The following HPSE2 variants were observed in gnomAD, a reference collection of about 807,000 sequenced individuals.
HPSE2 encodes inactive heparanase-2.
Under a neutral mutation model 60.5 loss-of-function variants are expected in HPSE2, and 38 were observed. The ratio of observed to expected loss-of-function variants is 0.63; its 90% CI spans 0.48 to 0.82. HPSE2 has a LOEUF of 0.82. Ranked by LOEUF, HPSE2 falls within the 40% of genes least tolerant of loss-of-function variation. HPSE2 has a pLI of 0.00. For synonymous variants in HPSE2, 295 were observed against 293.2 expected, an observed-to-expected ratio of 1.01 and a Z score of -0.06; for missense variants, 713 against 740.4, an observed-to-expected ratio of 0.96 and a Z score of 0.43.
intron 3 of HPSE2, among the ~76,000 whole-genome samples, chr10:98,909,585 G>A (rs1485964377): frequency 2.7e-5 from 4 of 150,520 alleles, no homozygotes; most frequent in African/African-American, 7.3e-5. Flanking sequence ...AGCCGAGATC[G>A]CGCCACTGCA....
rs917264726 is a variant in HPSE2, at chr10:99,002,954, T to C, written c.610+141284A>G. On this transcript the variant is annotated intron_variant, in intron 3 of 11. Transcript: ENST00000370552. Reference sequence around the variant, plus strand: ...ACCTACAGTTAACCATGTTGTACAATAGATCCTTTGTACATATGTCTCCTA... The same window carrying C: ...ACCTACAGTTAACCATGTTGTACAACAGATCCTTTGTACATATGTCTCCTA... Among the ~76,000 whole-genome samples the C allele has an allele frequency of 2.6e-5, 4 of 151,998 alleles. No homozygotes were observed. In the South Asian group the frequency reaches 8.3e-4, roughly 31 times the overall value.
chr10:98,829,934 A>G (rs1485916661), intron 3 of HPSE2, among the ~76,000 whole-genome samples: 1 of 152,190 alleles, frequency 6.6e-6, no homozygotes, highest in East Asian at 1.9e-4. Context: ...ACATAGGTAT[A>G]TGTGTGCCAT....
intron 9 of HPSE2, among the ~76,000 whole-genome samples, chr10:98,523,159 C>T (rs1304351987): frequency 6.6e-6 from 1 of 152,144 alleles, no homozygotes; most frequent in East Asian, 1.9e-4. Context: ...CCTTACTATT[C>T]AGAAGGTAAT....
At position 99,074,768 on chromosome 10, in the gene HPSE2, G is replaced by A. The variant is rs1842906230; in HGVS notation, c.610+69470C>T. On this transcript the variant is annotated intron_variant, in intron 3 of 11. Coordinates refer to ENST00000370552, the MANE Select transcript of HPSE2 (RefSeq NM_021828.5). ...CCGTCCAGATTTTCTAATCCTTCAT[G>A]AGTGAGTCTTGGTAGACTGATATAT... 2.0e-5 allele frequency among the ~76,000 whole-genome samples: 3 copies of A among 152,182 alleles called. No individual in the cohort carries two copies. In the South Asian group the frequency reaches 6.2e-4, roughly 32 times the overall value.
At chr10:99,175,704 C>CTT (rs891648147) in intron 2 of HPSE2, among the ~76,000 whole-genome samples, 1 of 152,212 alleles carries the variant, frequency 6.6e-6, no homozygotes, top group African/African-American at 2.4e-5. Context: ...CTTCAGCAGA[C>CTT]TTAAACGTTC....
chr10:98,459,845 G>C, intron 11 of HPSE2, 106 bp from the exon 12 acceptor site: 1 of 1,035,986 alleles, frequency 9.7e-7, no homozygotes, highest in Non-Finnish European at 1.5e-6. Flanking sequence ...CACACACACA[G>C]CTGACACTTA....
At position 98,648,494 on chromosome 10, in the gene HPSE2, A is replaced by G. The variant is rs79710703; in HGVS notation, c.1005-6554T>C. 7.6e-3 allele frequency among the ~76,000 whole-genome samples: 1,156 copies of G among 152,230 alleles called. 17 individuals carry two copies. The highest frequency in any genetic ancestry group is 0.026 in the African/African-American group (1,072 of 41,510). ...AAGAGGAGGAAATCAAAAGTACAAA[A>G]CAAGGCTGGGCACAGTGGCTCATGC... is the stretch of plus-strand genomic sequence containing the variant. On this transcript the variant is annotated intron_variant, in intron 6 of 11. Coordinates refer to ENST00000370552, the MANE Select transcript of HPSE2 (RefSeq NM_021828.5).
chr10:98,895,915 T>G (rs151000659), intron 3 of HPSE2, among the ~76,000 whole-genome samples: 2,259 of 113,904 alleles, frequency 0.02, 28 homozygotes, highest in Non-Finnish European at 0.028. Context: ...AAGGGGAACA[T>G]CACACTCTGG....
At chr10:98,891,923 A>C (rs1042608416) in intron 3 of HPSE2, among the ~76,000 whole-genome samples, 15 of 152,088 alleles carry the variant, frequency 9.9e-5, no homozygotes, top group African/African-American at 3.6e-4. Flanking sequence ...CACGTGTGCC[A>C]CCACAACTGG....
In HPSE2 at chr10:98,476,807, C is replaced by T. The variant is rs543538808; in HGVS notation, c.1613+5829G>A. Among the ~76,000 whole-genome samples the T allele has an allele frequency of 1.6e-4, 24 of 151,948 alleles. No homozygotes were observed. In the East Asian group the frequency reaches 3.5e-3, roughly 22 times the overall value. On this transcript the variant is annotated intron_variant, in intron 11 of 11. Coordinates refer to ENST00000370552, the MANE Select transcript of HPSE2 (RefSeq NM_021828.5). ...TCTGTCTAAAAAAAAAGGGGCGGGA[C>T]GGTCTGAATTCTGGACTTGTGAAGA...
At chr10:98,708,999 T>C (rs1948613795) in intron 5 of HPSE2, among the ~76,000 whole-genome samples, 1 of 152,228 alleles carries the variant, frequency 6.6e-6, no homozygotes. Context: ...AGGCTTTCTA[T>C]ATCTTATATG....
chr10:99,221,091 C>T lies in HPSE2; in HGVS notation c.448+11257G>A, dbSNP rs566677274. On this transcript the variant is annotated intron_variant, in intron 2 of 11. Transcript: ENST00000370552. ...AACTCCTGACCTCAGGTGATCCGCC[C>T]GCCTCAGCCTCCCAAAGTGCTGGAA... Among the ~76,000 whole-genome samples the T allele has an allele frequency of 2.6e-5, 4 of 152,138 alleles. No homozygotes were observed. In the South Asian group the frequency reaches 6.2e-4, roughly 24 times the overall value.
rs1454345918 is a variant in HPSE2, at chr10:99,151,776, C to T, written c.449-7377G>A. Among the ~76,000 whole-genome samples, 4 of 152,134 alleles carry T rather than the reference C, an allele frequency of 2.6e-5. No individual in the cohort carries two copies. In the South Asian group the frequency reaches 6.2e-4, roughly 24 times the overall value. ...AAAATAAAGGAAATATTTAGCCAAA[C>T]ATGATGGCATGCACTTATAATCCCA... On this transcript the variant is annotated intron_variant, in intron 2 of 11. Coordinates refer to ENST00000370552, the MANE Select transcript of HPSE2 (RefSeq NM_021828.5).
intron 6 of HPSE2, among the ~76,000 whole-genome samples, chr10:98,682,598 A>G (rs2134139827): frequency 6.6e-6 from 1 of 152,244 alleles, no homozygotes; most frequent in South Asian, 2.1e-4. Flanking sequence ...CACCATAGTG[A>G]GAGGATATCA....
At chr10:98,507,732 C>T (rs776901147) in intron 9 of HPSE2, among the ~76,000 whole-genome samples, 3 of 152,046 alleles carry the variant, frequency 2.0e-5, no homozygotes, top group African/African-American at 7.2e-5. Context: ...GAGTTCCATG[C>T]TCACCTCCTT....
chr10:98,915,438 C>A (rs939398237), intron 3 of HPSE2, among the ~76,000 whole-genome samples: 1 of 151,936 alleles, frequency 6.6e-6, no homozygotes, highest in African/African-American at 2.4e-5. Flanking sequence ...TGAGCCACCG[C>A]GCCCAGCCCA....
At chr10:98,467,925 G>C (rs1448877458) in intron 11 of HPSE2, among the ~76,000 whole-genome samples, 1 of 152,232 alleles carries the variant, frequency 6.6e-6, no homozygotes, top group Non-Finnish European at 1.5e-5. Context: ...AGAGAACGGG[G>C]GGTCCCAGGG....
intron 2 of HPSE2, among the ~76,000 whole-genome samples, chr10:99,222,980 G>A (rs960014748): frequency 2.0e-5 from 3 of 152,080 alleles, no homozygotes; most frequent in Non-Finnish European, 2.9e-5. Context: ...ATGAATGGAC[G>A]AATAAATAGG....
chr10:98,517,874 G>A (rs2133763961), intron 9 of HPSE2, among the ~76,000 whole-genome samples: 1 of 152,366 alleles, frequency 6.6e-6, no homozygotes, highest in East Asian at 1.9e-4. Context: ...GGTCAAAACT[G>A]AATGAGATGA....
Sources: allele counts gnomAD v4.1 joint callset (sites outside exome capture counted in the v4.1 genomes callset), GRCh38; gene constraint gnomAD v4.1.1; transcripts MANE v1.5; gene names NCBI Gene and HGNC (gene_info 2026-07-23, HGNC 2026-07-21).